BRDT: variants seen among roughly 807,000 people sequenced by gnomAD.
The protein encoded by BRDT is bromodomain testis-specific protein.
BRDT carries 77 observed loss-of-function variants against 113.9 expected under a neutral mutation model. That is an observed-to-expected ratio of 0.68 (90% CI 0.56 to 0.82). BRDT has a LOEUF of 0.82. BRDT is among the 40% of genes least tolerant of loss of function. The probability of loss-of-function intolerance (pLI) is 0.00; values close to 1 mark genes in which losing one functional copy is unlikely to be tolerated. For synonymous variants in BRDT, 358 were observed against 366.5 expected (o/e 0.98, Z 0.26); for missense variants, 1,027 against 1,105.4 (o/e 0.93, Z 1.01).
chr1:92,010,267 A>ATTTTTTTT (rs373305680), intron 18 of BRDT, among the ~76,000 whole-genome samples: 12 of 101,042 alleles, frequency 1.2e-4, no homozygotes, highest in South Asian at 3.4e-4. Context: ...TGCTCTTTTA[A>ATTTTTTTT]TTTTTTTTTT....
At chr1:92,007,664 G>T (rs1010230777) in intron 18 of BRDT, among the ~76,000 whole-genome samples, 1 of 151,980 alleles carries the variant, frequency 6.6e-6, no homozygotes, top group Admixed American at 6.6e-5. Context: ...GGTTGCTTAC[G>T]GTTTACAATA....
intron 4 of BRDT, among the ~76,000 whole-genome samples, chr1:91,969,574 A>G (rs1295788711): frequency 1.3e-5 from 2 of 152,154 alleles, no homozygotes; most frequent in African/African-American, 2.4e-5. Flanking sequence ...TAGATAATAC[A>G]TAGATTAGTA....
chr1:92,009,303 A>G (rs1437053391), intron 18 of BRDT, among the ~76,000 whole-genome samples: 1 of 151,878 alleles, frequency 6.6e-6, no homozygotes, highest in East Asian at 1.9e-4. Flanking sequence ...TTTTCTTTTT[A>G]AAGATTGAAT....
At chr1:91,960,171 TATG>T in intron 1 of BRDT, among the ~76,000 whole-genome samples, 2 of 152,314 alleles carry the variant, frequency 1.3e-5, no homozygotes, top group South Asian at 4.1e-4. Flanking sequence ...ATAATTGCCA[TATG>T]ATCTAGCAAT....
chr1:92,004,453 G>C lies in BRDT; in HGVS notation c.2428G>C (p.Gly810Arg), dbSNP rs1233879923. The C allele has an allele frequency of 6.2e-7, 1 of 1,610,414 alleles. No individual in the cohort carries two copies. The highest frequency in any genetic ancestry group is 8.5e-7 in the Non-Finnish European group (1 of 1,179,128). Residue 810 changes from glycine (G) to arginine (R), a missense_variant, in exon 17 of 19, where the codon GGC becomes CGC. Physicochemically the swap from Gly to Arg is moderately radical, Grantham distance 125. Coordinates refer to ENST00000399546, the MANE Select transcript of BRDT (RefSeq NM_207189.4). ...GAATGCAGATTCATGGAAAAGTTTA[G>C]GCAAACCAGTGAAACCATCAGGTGT... ...IKNADSWKSL[G>R]KPVKPSGVMK...
intron 18 of BRDT, among the ~76,000 whole-genome samples, chr1:92,008,645 T>A (rs1687544546): frequency 6.6e-6 from 1 of 152,172 alleles, no homozygotes; most frequent in Admixed American, 6.5e-5. Flanking sequence ...GCCCTGAAAG[T>A]CTCCTGTGGC....
intron 16 of BRDT, 73 bp from the exon 17 acceptor site, chr1:92,004,341 C>CA (rs1687102439): frequency 9.4e-7 from 1 of 1,062,688 alleles, no homozygotes; most frequent in Non-Finnish European, 1.4e-6. Context: ...GCTGTATCAT[C>CA]AAAAAATGTT....
At chr1:91,962,062 G>A (rs1207990099) in intron 1 of BRDT, among the ~76,000 whole-genome samples, 3 of 146,670 alleles carry the variant, frequency 2.0e-5, no homozygotes, top group Non-Finnish European at 4.5e-5. Flanking sequence ...GGAGAATGGC[G>A]TGAACCCGGG....
At chr1:92,007,527 T>C (rs148844029) in intron 18 of BRDT, among the ~76,000 whole-genome samples, 158 of 152,320 alleles carry the variant, frequency 1.0e-3, no homozygotes, top group African/African-American at 3.7e-3. Flanking sequence ...CTGAGGATAA[T>C]AGCCTCCAGT....
chr1:92,011,520 G>A (rs1018353590), intron 18 of BRDT, among the ~76,000 whole-genome samples: 7 of 151,832 alleles, frequency 4.6e-5, no homozygotes, highest in African/African-American at 7.3e-5. Context: ...GATTACAGGC[G>A]TGAGCTACCA....
intron 6 of BRDT, among the ~76,000 whole-genome samples, chr1:91,977,726 G>A (rs1384056417): frequency 6.7e-6 from 1 of 149,932 alleles, no homozygotes; most frequent in Non-Finnish European, 1.5e-5. Flanking sequence ...AAAAAAAGCT[G>A]GGAATGGTGG....
At chr1:91,991,633 A>T (rs938591701) in intron 13 of BRDT, among the ~76,000 whole-genome samples, 2 of 152,176 alleles carry the variant, frequency 1.3e-5, no homozygotes, top group Non-Finnish European at 2.9e-5. Flanking sequence ...CTACAGATAA[A>T]GCTTATAATT....
intron 7 of BRDT, among the ~76,000 whole-genome samples, chr1:91,979,206 C>G (rs945543632): frequency 6.6e-6 from 1 of 151,010 alleles, no homozygotes; most frequent in African/African-American, 2.4e-5. Flanking sequence ...CTCCGCCTCC[C>G]GGGTTCAAGC....
intron 15 of BRDT, among the ~76,000 whole-genome samples, chr1:91,996,570 A>T (rs1343709548): frequency 6.6e-6 from 1 of 152,172 alleles, no homozygotes; most frequent in Non-Finnish European, 1.5e-5. Context: ...TAGGGAAAAA[A>T]TTGCTGCTTA....
chr1:91,989,599 G>A (rs1297940671), intron 12 of BRDT, among the ~76,000 whole-genome samples: 6 of 152,116 alleles, frequency 3.9e-5, no homozygotes, highest in Admixed American at 3.3e-4. Context: ...GACCTCAAGT[G>A]ATCTAACCAC....
At chr1:92,013,608 C>CT (rs1230708131) in intron 18 of BRDT, among the ~76,000 whole-genome samples, 1 of 152,146 alleles carries the variant, frequency 6.6e-6, no homozygotes, top group Non-Finnish European at 1.5e-5. Flanking sequence ...TCTTAATTAG[C>CT]TTTTTCTCTA....
chr1:91,973,834 A>T (rs1474459908), intron 4 of BRDT, among the ~76,000 whole-genome samples: 3 of 152,150 alleles, frequency 2.0e-5, no homozygotes, highest in African/African-American at 4.8e-5. Context: ...GAGTGGTGAG[A>T]GAGGGCATCC....
At chr1:91,968,067 A>G (rs1570476082) in intron 3 of BRDT, 79 bp from the exon 4 acceptor site, 1 of 1,466,138 alleles carries the variant, frequency 6.8e-7, no homozygotes, top group East Asian at 2.4e-5. Flanking sequence ...ACTGCCTTCC[A>G]TAAAGTGGGC....
intron 16 of BRDT, 105 bp from the exon 17 acceptor site, chr1:92,004,309 T>TA (rs1338970470): frequency 2.8e-6 from 2 of 706,502 alleles, no homozygotes; most frequent in Admixed American, 2.8e-5. Context: ...TGAAGCCCTT[T>TA]AGAATCTTAA....
Sources: gnomAD v4.1 joint callset for allele counts (sites outside exome capture counted in the v4.1 genomes callset) on GRCh38, gnomAD v4.1.1 for gene constraint, MANE v1.5 for transcripts, NCBI Gene and HGNC (gene_info 2026-07-23, HGNC 2026-07-21) for gene names.